PPP6R3: variants seen among roughly 807,000 people sequenced by gnomAD.
PPP6R3 encodes serine/threonine-protein phosphatase 6 regulatory subunit 3.
PPP6R3 carries 38 observed loss-of-function variants against 110.7 expected under a neutral mutation model. That is an observed-to-expected ratio of 0.34 (90% CI 0.26 to 0.45). The LOEUF (loss-of-function observed/expected upper bound fraction) is 0.45. Among genes scored for constraint, PPP6R3 ranks in the 20% least tolerant of loss-of-function variants. PPP6R3 has a pLI of 1.00. For missense variants in PPP6R3, 870 were observed against 1,062.4 expected, an observed-to-expected ratio of 0.82 and a Z score of 2.52; for synonymous variants, 369 against 373.5, an observed-to-expected ratio of 0.99 and a Z score of 0.14.
At chr11:68,487,212 T>C (rs1199075426) in intron 1 of PPP6R3, among the ~76,000 whole-genome samples, 1 of 152,196 alleles carries the variant, frequency 6.6e-6, no homozygotes, top group African/African-American at 2.4e-5. Flanking sequence ...TGCTATAAAT[T>C]TCCTTCTAGA....
chr11:68,494,659 CT>C (rs1352561583), intron 1 of PPP6R3, among the ~76,000 whole-genome samples: 2 of 152,178 alleles, frequency 1.3e-5, no homozygotes, highest in South Asian at 2.1e-4. Flanking sequence ...TGCTTGATCA[CT>C]GGGTTTCTAT....
At position 68,472,243 on chromosome 11, in the gene PPP6R3, G is replaced by A. The variant is rs563177795; in HGVS notation, c.-158+11416G>A. Among the ~76,000 whole-genome samples the A allele has an allele frequency of 7.2e-5, 11 of 152,306 alleles. No individual in the cohort carries two copies. In the South Asian group the frequency reaches 1.7e-3, roughly 23 times the overall value. On this transcript the variant is annotated intron_variant, in intron 1 of 23. Coordinates refer to ENST00000393800, the MANE Select transcript of PPP6R3 (RefSeq NM_001164161.2). The stretch of plus-strand genomic sequence containing the variant: ...GGTGGTAAAGCCGGGAAGGGAAGGC[G>A]TGCAGACGGAGAGGTTTGCCCACAT...
chr11:68,589,793 T>A (rs568888585), intron 16 of PPP6R3, among the ~76,000 whole-genome samples: 20 of 152,374 alleles, frequency 1.3e-4, no homozygotes, highest in Admixed American at 1.1e-3. Flanking sequence ...CAGCACGCTC[T>A]TAATTGTGCT....
intron 1 of PPP6R3, among the ~76,000 whole-genome samples, chr11:68,467,721 A>G (rs899562691): frequency 6.6e-6 from 1 of 152,216 alleles, no homozygotes; most frequent in African/African-American, 2.4e-5. Context: ...TGAGGCTTCC[A>G]TTCGTGAGAA....
chr11:68,515,046 C>T (rs886630886), intron 1 of PPP6R3: 1 of 152,124 alleles, frequency 6.6e-6, no homozygotes, highest in Non-Finnish European at 1.5e-5. Context: ...GGAAAGAAAA[C>T]ATCTCCCAGG....
intron 2 of PPP6R3, among the ~76,000 whole-genome samples, chr11:68,525,921 G>A (rs542079205): frequency 2.6e-5 from 4 of 152,328 alleles, no homozygotes; most frequent in African/African-American, 9.6e-5. Flanking sequence ...AAACCACACT[G>A]ACTTGGATTT....
intron 14 of PPP6R3, among the ~76,000 whole-genome samples, chr11:68,579,581 G>T (rs1186611986): frequency 6.6e-6 from 1 of 152,180 alleles, no homozygotes; most frequent in African/African-American, 2.4e-5. Context: ...TGAAGATACA[G>T]TACTAGACAA....
At chr11:68,561,287 A>C (rs770842506) in intron 8 of PPP6R3, among the ~76,000 whole-genome samples, 1 of 151,962 alleles carries the variant, frequency 6.6e-6, no homozygotes, top group African/African-American at 2.4e-5. Flanking sequence ...TTTTTTAGAG[A>C]TGCAGTCTCA....
chr11:68,571,191 G>T, intron 12 of PPP6R3, 87 bp downstream of exon 12: 1 of 1,459,464 alleles, frequency 6.9e-7, no homozygotes, highest in Non-Finnish European at 9.1e-7. Flanking sequence ...AGAAAAAAAT[G>T]GAAATAATTA....
intron 2 of PPP6R3, among the ~76,000 whole-genome samples, chr11:68,526,664 TAAG>T (rs1319468853): frequency 1.3e-5 from 2 of 152,174 alleles, no homozygotes; most frequent in East Asian, 1.9e-4. Context: ...CTTCATCTCT[TAAG>T]AAGACAACTG....
chr11:68,567,520 G>A (rs537046821), intron 10 of PPP6R3, among the ~76,000 whole-genome samples: 41 of 152,144 alleles, frequency 2.7e-4, no homozygotes, highest in Non-Finnish European at 5.3e-4. Context: ...CTTGCCACTG[G>A]GAGGTATCTG....
chr11:68,555,662 G>T (rs1291764022), intron 7 of PPP6R3, among the ~76,000 whole-genome samples: 1 of 152,180 alleles, frequency 6.6e-6, no homozygotes, highest in Non-Finnish European at 1.5e-5. Context: ...AGCCACCAGA[G>T]CCCATGTGCG....
intron 21 of PPP6R3, 32 bp from the exon 22 acceptor site, chr11:68,603,310 C>T: frequency 6.2e-7 from 1 of 1,611,052 alleles, no homozygotes; most frequent in Non-Finnish European, 8.5e-7. Context: ...TTCGGGCTTG[C>T]TGTGTGTGAC....
At chr11:68,475,725 C>T (rs536969462) in intron 1 of PPP6R3, among the ~76,000 whole-genome samples, 46 of 141,094 alleles carry the variant, frequency 3.3e-4, no homozygotes, top group African/African-American at 4.0e-4. Flanking sequence ...CGGGCGGAGA[C>T]GCTCCTCACT....
chr11:68,559,504 C>T (rs1162631233), intron 8 of PPP6R3, among the ~76,000 whole-genome samples: 2 of 152,208 alleles, frequency 1.3e-5, no homozygotes, highest in Non-Finnish European at 2.9e-5. Context: ...TATGAAACTT[C>T]AGCCATTCAG....
intron 20 of PPP6R3, among the ~76,000 whole-genome samples, chr11:68,601,307 G>A (rs543061480): frequency 1.7e-4 from 26 of 152,198 alleles, no homozygotes; most frequent in Non-Finnish European, 2.8e-4. Context: ...CTGTGTGCAC[G>A]TCTCTGAGTT....
chr11:68,511,728 G>C lies in PPP6R3; in HGVS notation c.-157-7773G>C, dbSNP rs558949409. On this transcript the variant is annotated intron_variant, in intron 1 of 23. Transcript: ENST00000393800. Reference sequence around the variant, plus strand: ...ACTCCTGACTTCAGATGATCCACCCGCCTCGGCCTCCCAAAGTGCTGGGAT... The same window carrying C: ...ACTCCTGACTTCAGATGATCCACCCCCCTCGGCCTCCCAAAGTGCTGGGAT... Among the ~76,000 whole-genome samples the C allele has an allele frequency of 2.7e-5, 4 of 145,538 alleles. No individual in the cohort carries two copies. In the South Asian group the frequency reaches 8.7e-4, roughly 32 times the overall value.
chr11:68,553,164 T>A lies in PPP6R3; in HGVS notation c.619-981T>A, dbSNP rs936144932. Among the ~76,000 whole-genome samples, 4 of 152,338 alleles carry A rather than the reference T, an allele frequency of 2.6e-5. 1 individual carries two copies. In the South Asian group the frequency reaches 8.3e-4, roughly 32 times the overall value. On this transcript the variant is annotated intron_variant, in intron 6 of 23. Coordinates refer to ENST00000393800, the MANE Select transcript of PPP6R3 (RefSeq NM_001164161.2). Reference sequence around the variant, plus strand: ...CTCAGTCTTTGAGTTATGCTCAGTTTCTTAATCCAGAGAATAAAATGTGTT... The same window carrying A: ...CTCAGTCTTTGAGTTATGCTCAGTTACTTAATCCAGAGAATAAAATGTGTT...
intron 15 of PPP6R3, chr11:68,587,321 T>G (rs2099581861): frequency 6.5e-6 from 1 of 153,562 alleles, no homozygotes; most frequent in Non-Finnish European, 1.4e-5. Flanking sequence ...AGTCAAACGT[T>G]TACTCTCTTC....
Sources: allele counts gnomAD v4.1 joint callset (sites outside exome capture counted in the v4.1 genomes callset), GRCh38; gene constraint gnomAD v4.1.1; transcripts MANE v1.5; gene names NCBI Gene and HGNC (gene_info 2026-07-23, HGNC 2026-07-21).